CTNNA2: variants seen among roughly 807,000 people sequenced by gnomAD.
CTNNA2 encodes the protein catenin alpha-2.
CTNNA2 carries 42 observed loss-of-function variants against 101.0 expected under a neutral mutation model. The ratio of observed to expected loss-of-function variants is 0.42; its 90% CI spans 0.32 to 0.54. CTNNA2 has a LOEUF of 0.54. Ranked by LOEUF, CTNNA2 falls within the 20% of genes least tolerant of loss-of-function variation. The pLI, the probability that CTNNA2 is intolerant of heterozygous loss-of-function variation, is 0.14. For synonymous variants in CTNNA2, 450 were observed against 456.4 expected (o/e 0.99, Z 0.18); for missense variants, 871 against 1,223.1 (o/e 0.71, Z 4.29).
chr2:80,535,171 T>C (rs1690898643), intron 9 of CTNNA2, among the ~76,000 whole-genome samples: 1 of 152,184 alleles, frequency 6.6e-6, no homozygotes, highest in Non-Finnish European at 1.5e-5. Flanking sequence ...TTGTTTCTTT[T>C]GTAAAACTCA....
At chr2:80,181,623 C>T (rs891977569) in intron 7 of CTNNA2, among the ~76,000 whole-genome samples, 2 of 152,194 alleles carry the variant, frequency 1.3e-5, no homozygotes, top group African/African-American at 4.8e-5. Context: ...GTATGTGCTT[C>T]TGAAGCTGGG....
chr2:80,479,291 C>T (rs571624114), intron 9 of CTNNA2, among the ~76,000 whole-genome samples: 26 of 152,006 alleles, frequency 1.7e-4, no homozygotes, highest in Non-Finnish European at 2.8e-4. Context: ...CATTTGGCAA[C>T]GTTCTGAGAC....
intron 2 of CTNNA2, among the ~76,000 whole-genome samples, chr2:79,276,435 G>A (rs1436682830): frequency 1.3e-5 from 2 of 151,980 alleles, no homozygotes; most frequent in Non-Finnish European, 2.9e-5. Flanking sequence ...AAAAGTAAAT[G>A]AGAATTACCT....
At chr2:80,057,128 A>G (rs1435087287) in intron 7 of CTNNA2, among the ~76,000 whole-genome samples, 1 of 152,040 alleles carries the variant, frequency 6.6e-6, no homozygotes, top group Non-Finnish European at 1.5e-5. Flanking sequence ...AAAGGTTTAC[A>G]TAAAGCTTTT....
At chr2:80,413,762 A>G (rs143210022) in intron 8 of CTNNA2, among the ~76,000 whole-genome samples, 2 of 152,344 alleles carry the variant, frequency 1.3e-5, no homozygotes, top group East Asian at 3.9e-4. Flanking sequence ...GAAATATGGC[A>G]GAACATGTCA....
chr2:79,540,200 AG>A, intron 1 of CTNNA2, among the ~76,000 whole-genome samples: 1 of 152,186 alleles, frequency 6.6e-6, no homozygotes, highest in Non-Finnish European at 1.5e-5. Flanking sequence ...GGTCATTCAA[AG>A]CAGTACCACT....
intron 7 of CTNNA2, among the ~76,000 whole-genome samples, chr2:80,104,075 T>C (rs906785009): frequency 5.9e-5 from 9 of 152,200 alleles, no homozygotes; most frequent in African/African-American, 2.2e-4. Flanking sequence ...GCCTGAATAA[T>C]GTTTTTAAGC....
chr2:79,448,195 C>T (rs1365121843), intron 4 of CTNNA2, among the ~76,000 whole-genome samples: 2 of 151,980 alleles, frequency 1.3e-5, no homozygotes, highest in African/African-American at 2.4e-5. Flanking sequence ...CTTAAATAAG[C>T]TATTCTAAAC....
At chr2:80,370,531 G>T (rs1037875411) in intron 7 of CTNNA2, among the ~76,000 whole-genome samples, 40 of 152,056 alleles carry the variant, frequency 2.6e-4, no homozygotes, top group African/African-American at 9.4e-4. Flanking sequence ...AGAAGACTTT[G>T]GTGTGTCACC....
intron 7 of CTNNA2, among the ~76,000 whole-genome samples, chr2:80,269,488 G>T (rs1270391525): frequency 6.6e-6 from 1 of 152,138 alleles, no homozygotes; most frequent in African/African-American, 2.4e-5. Context: ...TGTGAGAACA[G>T]ACTGATGCAA....
chr2:80,553,894 T>A (rs1451377446), intron 11 of CTNNA2, among the ~76,000 whole-genome samples: 1 of 152,212 alleles, frequency 6.6e-6, no homozygotes, highest in East Asian at 1.9e-4. Context: ...TAATCATGTT[T>A]TCATTAAAAT....
At chr2:80,047,726 G>T (rs1407035568) in intron 7 of CTNNA2, among the ~76,000 whole-genome samples, 2 of 152,166 alleles carry the variant, frequency 1.3e-5, no homozygotes, top group Non-Finnish European at 2.9e-5. Context: ...ACAGGGGAAG[G>T]ATTCAGGGTA....
At chr2:79,703,982 A>G (rs1421795613) in intron 2 of CTNNA2, among the ~76,000 whole-genome samples, 1 of 152,150 alleles carries the variant, frequency 6.6e-6, no homozygotes, top group Non-Finnish European at 1.5e-5. Context: ...TTTTATCTAA[A>G]TTAAAGTTAT....
intron 7 of CTNNA2, among the ~76,000 whole-genome samples, chr2:80,370,632 C>G (rs543894398): frequency 2.6e-4 from 39 of 152,134 alleles, no homozygotes; most frequent in Admixed American, 2.0e-3. Flanking sequence ...AAGCTGGGAT[C>G]TAATACAGTT....
chr2:79,839,214 A>G (rs534963211), intron 3 of CTNNA2, among the ~76,000 whole-genome samples: 16 of 152,104 alleles, frequency 1.1e-4, no homozygotes, highest in South Asian at 2.1e-4. Flanking sequence ...TTTGCCAATT[A>G]TTTTTATTCA....
In CTNNA2 at chr2:79,768,721, G is replaced by A. The variant is rs536971427; in HGVS notation, c.298+24139G>A. 3.9e-5 allele frequency among the ~76,000 whole-genome samples: 6 copies of A among 152,064 alleles called. No individual in the cohort carries two copies. The South Asian group carries it at 1.2e-3, about 32-fold the overall frequency. On this transcript the variant is annotated intron_variant, in intron 3 of 18. Transcript: ENST00000402739. Reference sequence around the variant, plus strand: ...ATATTCATTAGTACTGTTTCTAGGGGATTTATTAAATATGAAGCTTCATAC... The same window carrying A: ...ATATTCATTAGTACTGTTTCTAGGGAATTTATTAAATATGAAGCTTCATAC...
chr2:80,272,471 G>C (rs1465445397), intron 7 of CTNNA2, among the ~76,000 whole-genome samples: 1 of 152,162 alleles, frequency 6.6e-6, no homozygotes, highest in Non-Finnish European at 1.5e-5. Flanking sequence ...GACCATCAGT[G>C]GTGTTTGCAC....
At chr2:80,102,300 A>C (rs1025597589) in intron 7 of CTNNA2, among the ~76,000 whole-genome samples, 5 of 152,106 alleles carry the variant, frequency 3.3e-5, no homozygotes, top group Admixed American at 6.6e-5. Flanking sequence ...CAGAAGGAGA[A>C]TCCTTCCACC....
intron 12 of CTNNA2, among the ~76,000 whole-genome samples, chr2:80,566,854 T>C (rs1408094366): frequency 6.6e-6 from 1 of 152,166 alleles, no homozygotes; most frequent in African/African-American, 2.4e-5. Context: ...AAAATTCTAT[T>C]TGACTTAGGT....
Sources: gnomAD v4.1 joint callset for allele counts (sites outside exome capture counted in the v4.1 genomes callset) on GRCh38, gnomAD v4.1.1 for gene constraint, MANE v1.5 for transcripts, NCBI Gene and HGNC (gene_info 2026-07-23, HGNC 2026-07-21) for gene names.